Variants in MCTP1 observed in about 807,000 individuals in gnomAD.
MCTP1 encodes multiple C2 and transmembrane domain-containing protein 1.
Under a neutral mutation model 120.6 loss-of-function variants are expected in MCTP1, and 69 were observed. The observed-to-expected ratio is 0.57, with a 90% CI of 0.47 to 0.70. The LOEUF is 0.70. Ranked by LOEUF, MCTP1 falls within the 30% of genes least tolerant of loss-of-function variation. The pLI is 0.00. For synonymous variants in MCTP1, 529 were observed against 493.1 expected, an observed-to-expected ratio of 1.07 and a Z score of -0.96; for missense variants, 1,203 against 1,248.8, an observed-to-expected ratio of 0.96 and a Z score of 0.55.
At chr5:94,736,481 T>G (rs1764282030) in intron 19 of MCTP1, among the ~76,000 whole-genome samples, 3 of 152,048 alleles carry the variant, frequency 2.0e-5, no homozygotes, top group Admixed American at 2.0e-4. Flanking sequence ...AGACCCTGTC[T>G]CAAAAAAAAA....
At chr5:95,157,951 C>T (rs1745310071) in intron 1 of MCTP1, among the ~76,000 whole-genome samples, 1 of 152,114 alleles carries the variant, frequency 6.6e-6, no homozygotes, top group African/African-American at 2.4e-5. Flanking sequence ...TGGTTCTTTA[C>T]AGAAAATATC....
chr5:95,084,351 C>A (rs1007562893), intron 1 of MCTP1, among the ~76,000 whole-genome samples: 1 of 152,102 alleles, frequency 6.6e-6, no homozygotes, highest in Admixed American at 6.5e-5. Flanking sequence ...TGATGATGCT[C>A]TTTTCTGTCC....
intron 2 of MCTP1, among the ~76,000 whole-genome samples, chr5:94,959,053 A>G (rs898220736): frequency 6.6e-6 from 1 of 152,226 alleles, no homozygotes; most frequent in Non-Finnish European, 1.5e-5. Context: ...CCAGCAGCAC[A>G]TTAAAAAGCT....
intron 1 of MCTP1, among the ~76,000 whole-genome samples, chr5:95,233,613 G>A (rs1181366886): frequency 6.6e-6 from 1 of 152,190 alleles, no homozygotes; most frequent in Non-Finnish European, 1.5e-5. Context: ...ACAGGCGTGA[G>A]CCACCGCACC....
intron 1 of MCTP1, among the ~76,000 whole-genome samples, chr5:95,034,047 C>T (rs1248647145): frequency 7.9e-5 from 12 of 151,926 alleles, no homozygotes; most frequent in Admixed American, 7.9e-4. Flanking sequence ...AGGAGAATTA[C>T]AAAACACTGT....
chr5:95,204,151 A>G (rs1451813931), intron 1 of MCTP1, among the ~76,000 whole-genome samples: 2 of 152,142 alleles, frequency 1.3e-5, no homozygotes, highest in Admixed American at 1.3e-4. Flanking sequence ...AAGCCTTTTA[A>G]AAAGCGACTC....
intron 17 of MCTP1, among the ~76,000 whole-genome samples, chr5:94,803,115 T>C (rs1457412510): frequency 6.6e-6 from 1 of 152,346 alleles, no homozygotes; most frequent in East Asian, 1.9e-4. Flanking sequence ...TCTACCCCTA[T>C]GTTAGTTATC....
intron 7 of MCTP1, 134 bp downstream of exon 7, chr5:94,923,828 A>G: frequency 1.8e-6 from 1 of 554,322 alleles, no homozygotes; most frequent in East Asian, 3.5e-5. Flanking sequence ...TTAGAAGATA[A>G]TAAAGAAGGC....
chr5:94,922,997 CAAAAAAAAAAAAAA>C lies in MCTP1; in HGVS notation c.1272+951_1272+964del, dbSNP rs202245253. On this transcript the variant is annotated intron_variant, in intron 7 of 22. Coordinates refer to ENST00000515393, the MANE Select transcript of MCTP1 (RefSeq NM_024717.7). ...ATAAGCTCACAACAATAAAAAGCTG[CAAAAAAAAAAAAAA>C]AAAAAAAAAAGTGCATGTGCATTCG... 3.0e-5 allele frequency among the ~76,000 whole-genome samples: 3 copies of C among 99,546 alleles called. No homozygotes were observed. In the South Asian group the frequency reaches 1.1e-3, roughly 36 times the overall value. The allele number at this position is 99,546 out of a possible 152,430, so 65.3% of individuals were successfully genotyped here. A position where few individuals can be genotyped will look rare whatever the true frequency, so the allele number is the denominator to read the frequency against.
chr5:94,951,324 T>G (rs942567961), intron 3 of MCTP1, among the ~76,000 whole-genome samples: 4 of 152,210 alleles, frequency 2.6e-5, no homozygotes, highest in Admixed American at 1.3e-4. Flanking sequence ...GAATACTTAT[T>G]CTTGAGCACA....
At chr5:94,805,145 T>G (rs1327368993) in intron 17 of MCTP1, among the ~76,000 whole-genome samples, 1 of 152,260 alleles carries the variant, frequency 6.6e-6, no homozygotes, top group African/African-American at 2.4e-5. Context: ...TTCTTGTTCA[T>G]AGTCTTTGTT....
At chr5:95,220,261 C>A (rs887128849) in intron 1 of MCTP1, among the ~76,000 whole-genome samples, 6 of 150,556 alleles carry the variant, frequency 4.0e-5, no homozygotes, top group Non-Finnish European at 8.8e-5. Context: ...TTTCATAGTA[C>A]AATATTTAAA....
At chr5:94,886,407 T>A (rs1242087892) in intron 12 of MCTP1, among the ~76,000 whole-genome samples, 1 of 152,250 alleles carries the variant, frequency 6.6e-6, no homozygotes, top group Non-Finnish European at 1.5e-5. Context: ...AATATTATAA[T>A]TTAACATTTT....
At chr5:95,066,059 G>A (rs1443224903) in intron 1 of MCTP1, among the ~76,000 whole-genome samples, 1 of 152,130 alleles carries the variant, frequency 6.6e-6, no homozygotes, top group Non-Finnish European at 1.5e-5. Context: ...AACATCAACA[G>A]AGTGAACAAT....
intron 12 of MCTP1, among the ~76,000 whole-genome samples, chr5:94,878,806 T>C (rs1260999951): frequency 6.6e-6 from 1 of 151,814 alleles, no homozygotes; most frequent in East Asian, 1.9e-4. Context: ...ACTAGATATA[T>C]TGTATGTTAG....
At chr5:94,839,879 A>G (rs1322452811) in intron 17 of MCTP1, among the ~76,000 whole-genome samples, 1 of 152,244 alleles carries the variant, frequency 6.6e-6, no homozygotes, top group Non-Finnish European at 1.5e-5. Context: ...CACACTGCCT[A>G]GCATATAATA....
At chr5:94,879,203 T>C (rs772158889) in intron 12 of MCTP1, among the ~76,000 whole-genome samples, 3 of 152,108 alleles carry the variant, frequency 2.0e-5, no homozygotes, top group Admixed American at 1.3e-4. Context: ...CTGTGTGAAA[T>C]GGCAGCCATT....
At chr5:95,234,184 G>A (rs1029330795) in intron 1 of MCTP1, among the ~76,000 whole-genome samples, 9 of 152,124 alleles carry the variant, frequency 5.9e-5, no homozygotes, top group Non-Finnish European at 1.3e-4. Flanking sequence ...ATTCAATAAC[G>A]AGAGACCATC....
chr5:94,710,666 GTTGTGA>G (rs1194651300), intron 21 of MCTP1, 146 bp downstream of exon 21: 7 of 573,740 alleles, frequency 1.2e-5, no homozygotes, highest in Admixed American at 1.1e-4. Context: ...TCTTTATACT[GTTGTGA>G]TTTTTAACCA....
Sources: allele counts gnomAD v4.1 joint callset (sites outside exome capture counted in the v4.1 genomes callset), GRCh38; gene constraint gnomAD v4.1.1; transcripts MANE v1.5; gene names NCBI Gene and HGNC (gene_info 2026-07-23, HGNC 2026-07-21).